The following BIRC6 variants were observed in gnomAD, a reference collection of about 807,000 sequenced individuals.
BIRC6 encodes the protein dual E2 ubiquitin-conjugating enzyme/E3 ubiquitin-protein ligase BIRC6.
In BIRC6, 98 loss-of-function variants were observed where a neutral mutation model predicts 503.3. The ratio of observed to expected loss-of-function variants is 0.19; its 90% CI spans 0.17 to 0.23. The LOEUF is 0.23. Ranked by LOEUF, BIRC6 falls within the 10% of genes least tolerant of loss-of-function variation. BIRC6 has a pLI of 1.00. For missense variants in BIRC6, 5,360 were observed against 5,806.0 expected (o/e 0.92, Z 2.50); for synonymous variants, 2,240 against 2,078.7 (o/e 1.08, Z -2.11).
Position 32,509,841 on chromosome 2 carries a change from T to A in BIRC6, c.10084T>A (p.Cys3362Ser). Residue 3362 changes from cysteine to serine, a missense_variant, in exon 52 of 74, where the codon TGT becomes AGT. By Grantham distance (112) the Cys-to-Ser change is moderately radical. Coordinates refer to ENST00000421745, the MANE Select transcript of BIRC6 (RefSeq NM_016252.4). ...ACCTACTGCTAATCTGCTGCAGACT[T>A]GTGCGGCCTTATTGATGTCACCTTA... Reference protein sequence around the residue: ...AAPTANLLQTCAALLMSPYCG... With the variant: ...AAPTANLLQTSAALLMSPYCG... 1 of 1,614,012 alleles carries A rather than the reference T, an allele frequency of 6.2e-7. No homozygotes were observed. The highest frequency in any genetic ancestry group is 8.5e-7 in the Non-Finnish European group (1 of 1,179,876).
At chr2:32,521,384 A>AAG in intron 57 of BIRC6, among the ~76,000 whole-genome samples, 1 of 147,334 alleles carries the variant, frequency 6.8e-6, no homozygotes, top group Non-Finnish European at 1.5e-5. Context: ...AAAAAAAAAA[A>AAG]AAAAAAAAAG....
At chr2:32,544,075 A>G (rs2057875827) in intron 62 of BIRC6, among the ~76,000 whole-genome samples, 1 of 152,176 alleles carries the variant, frequency 6.6e-6, no homozygotes, top group African/African-American at 2.4e-5. Flanking sequence ...TTTTGAGGTT[A>G]AAATGTATGA....
intron 10 of BIRC6, among the ~76,000 whole-genome samples, chr2:32,420,720 T>TA (rs1473626395): frequency 6.6e-6 from 1 of 151,854 alleles, no homozygotes; most frequent in African/African-American, 2.4e-5. Context: ...CTCTGTTGGC[T>TA]AGGCTGGTCT....
chr2:32,449,255 T>C (rs2046411278), intron 22 of BIRC6: 1 of 177,284 alleles, frequency 5.6e-6, no homozygotes, highest in African/African-American at 2.4e-5. Context: ...TTATTTGATG[T>C]ATCTTTGCTG....
intron 66 of BIRC6, among the ~76,000 whole-genome samples, chr2:32,582,615 A>G (rs1039532719): frequency 3.3e-5 from 5 of 152,010 alleles, no homozygotes; most frequent in East Asian, 1.9e-4. Flanking sequence ...ATACAAAACA[A>G]TTAGCTGCGT....
At chr2:32,361,795 T>G (rs2034133331) in intron 1 of BIRC6, among the ~76,000 whole-genome samples, 1 of 152,214 alleles carries the variant, frequency 6.6e-6, no homozygotes, top group Admixed American at 6.5e-5. Context: ...TTATACCGTT[T>G]GTAGACTTTT....
At chr2:32,521,881 A>G (rs184662257) in intron 57 of BIRC6, 109 of 151,748 alleles carry the variant, frequency 7.2e-4, no homozygotes, top group African/African-American at 2.5e-3. Flanking sequence ...GTGCCTTACA[A>G]TTTTTTCTTC....
chr2:32,439,947 C>CTCTGT (rs200501576), intron 16 of BIRC6, among the ~76,000 whole-genome samples: 2,053 of 152,286 alleles, frequency 0.013, 33 homozygotes, highest in Non-Finnish European at 0.02. Flanking sequence ...GGCGCAAACT[C>CTCTGT]GGCTCACTGC....
At chr2:32,362,443 C>A (rs2149105477) in intron 1 of BIRC6, among the ~76,000 whole-genome samples, 1 of 151,724 alleles carries the variant, frequency 6.6e-6, no homozygotes, top group East Asian at 1.9e-4. Context: ...AGCCTCCCAA[C>A]TAGCTGGGAC....
intron 1 of BIRC6, among the ~76,000 whole-genome samples, chr2:32,358,024 CGTGGGGGTGGGGGTGGG>C (rs1319935854): frequency 5.9e-4 from 8 of 13,452 alleles, no homozygotes; most frequent in African/African-American, 2.2e-3. Context: ...GTGCGCCCAG[CGTGGGGGTGGGGGTGGG>C]GTGGGGGTGG....
chr2:32,589,448 T>C (rs538734687), intron 66 of BIRC6, among the ~76,000 whole-genome samples: 1 of 152,310 alleles, frequency 6.6e-6, no homozygotes, highest in South Asian at 2.1e-4. Flanking sequence ...TCTTTTATTT[T>C]AACCCCCATA....
At chr2:32,461,081 T>C (rs2047900951) in intron 23 of BIRC6, among the ~76,000 whole-genome samples, 1 of 6,018 alleles carries the variant, frequency 1.7e-4, no homozygotes, top group African/African-American at 6.5e-4. Context: ...TCCTCTCCTC[T>C]CCTCTCCTCT....
intron 16 of BIRC6, 93 bp downstream of exon 16, chr2:32,439,779 G>A: frequency 8.9e-7 from 1 of 1,119,400 alleles, no homozygotes; most frequent in Non-Finnish European, 1.2e-6. Context: ...ACCTTTCAGT[G>A]ATGTTTTACT....
chr2:32,441,855 C>T (rs1303299981), intron 17 of BIRC6, among the ~76,000 whole-genome samples: 1 of 152,150 alleles, frequency 6.6e-6, no homozygotes, highest in East Asian at 1.9e-4. Flanking sequence ...AGAAATTATA[C>T]ACATTCCATG....
At chr2:32,367,790 T>A (rs578026124) in intron 1 of BIRC6, among the ~76,000 whole-genome samples, 1 of 152,298 alleles carries the variant, frequency 6.6e-6, no homozygotes, top group South Asian at 2.1e-4. Context: ...CACTCCAGTC[T>A]GGGCGAGAAG....
intron 32 of BIRC6, among the ~76,000 whole-genome samples, chr2:32,471,700 A>T (rs1214349452): frequency 6.6e-6 from 1 of 152,060 alleles, no homozygotes; most frequent in Non-Finnish European, 1.5e-5. Flanking sequence ...TTTTCCTCAG[A>T]GATTCTTGTT....
chr2:32,616,257 G>A (rs1653823876), intron 73 of BIRC6, among the ~76,000 whole-genome samples: 1 of 151,958 alleles, frequency 6.6e-6, no homozygotes, highest in Non-Finnish European at 1.5e-5. Context: ...TAGGCTGGGT[G>A]CAGTTCTATA....
At chr2:32,437,099 A>G (rs753542540) in intron 15 of BIRC6, among the ~76,000 whole-genome samples, 3 of 151,718 alleles carry the variant, frequency 2.0e-5, no homozygotes, top group Non-Finnish European at 4.4e-5. Context: ...CATGTCGCCC[A>G]GGGTGATGTG....
chr2:32,479,874 A>G (rs1367291297), intron 37 of BIRC6, among the ~76,000 whole-genome samples: 4 of 152,206 alleles, frequency 2.6e-5, no homozygotes, highest in South Asian at 2.1e-4. Context: ...AATGTAGAAA[A>G]CATGTAAAAA....
Sources: allele counts gnomAD v4.1 joint callset (sites outside exome capture counted in the v4.1 genomes callset), GRCh38; gene constraint gnomAD v4.1.1; transcripts MANE v1.5; gene names NCBI Gene and HGNC (gene_info 2026-07-23, HGNC 2026-07-21).